LIMS1: variants seen among roughly 807,000 people sequenced by gnomAD.
LIMS1 encodes LIM and senescent cell antigen-like-containing domain protein 1.
Under a neutral mutation model 44.1 loss-of-function variants are expected in LIMS1, and 18 were observed. That is an observed-to-expected ratio of 0.41 (90% confidence interval 0.28 to 0.61). The LOEUF (loss-of-function observed/expected upper bound fraction) is 0.61, where lower values mean the gene tolerates loss of function less well. LIMS1 is among the 20% of genes least tolerant of loss of function. The pLI is 0.32. For missense variants in LIMS1, 201 were observed against 422.0 expected, an observed-to-expected ratio of 0.48 and a Z score of 4.59; for synonymous variants, 93 against 149.1, an observed-to-expected ratio of 0.62 and a Z score of 2.74.
chr2:108,579,839 A>T (rs1436521338), intron 1 of LIMS1, among the ~76,000 whole-genome samples: 1 of 152,210 alleles, frequency 6.6e-6, no homozygotes, highest in African/African-American at 2.4e-5. Flanking sequence ...TCCCAGAGGA[A>T]GCGACCTCTT....
chr2:108,555,993 T>A (rs1684914024), intron 1 of LIMS1, among the ~76,000 whole-genome samples: 1 of 152,230 alleles, frequency 6.6e-6, no homozygotes. Context: ...CCTTTTTTGC[T>A]ATAGCAAAAT....
At chr2:108,538,282 C>T (rs1394763452) in intron 1 of LIMS1, among the ~76,000 whole-genome samples, 3 of 152,204 alleles carry the variant, frequency 2.0e-5, no homozygotes, top group African/African-American at 7.2e-5. Context: ...TTTATTTGAT[C>T]ATATCACACA....
At chr2:108,576,285 G>A (rs1295028873) in intron 1 of LIMS1, among the ~76,000 whole-genome samples, 1 of 152,138 alleles carries the variant, frequency 6.6e-6, no homozygotes, top group African/African-American at 2.4e-5. Flanking sequence ...GTTTTGTTTT[G>A]TTTTGTTGAG....
At chr2:108,553,633 CTCT>C (rs1356344728) in intron 1 of LIMS1, among the ~76,000 whole-genome samples, 1 of 152,192 alleles carries the variant, frequency 6.6e-6, no homozygotes, top group East Asian at 1.9e-4. Flanking sequence ...TTGCAAAACA[CTCT>C]TATTAGTGCC....
intron 1 of LIMS1, among the ~76,000 whole-genome samples, chr2:108,576,971 C>G (rs1219501952): frequency 1.3e-5 from 2 of 152,156 alleles, no homozygotes; most frequent in Non-Finnish European, 2.9e-5. Flanking sequence ...TCATGGCTGC[C>G]ACAGCTTCAC....
At chr2:108,670,992 G>C in intron 3 of LIMS1, 145 bp downstream of exon 3, 1 of 1,109,512 alleles carries the variant, frequency 9.0e-7, no homozygotes. Context: ...CCAACGTAGG[G>C]AAACCCCGTC....
chr2:108,635,601 TGAGGC>T (rs1689193863), intron 1 of LIMS1, among the ~76,000 whole-genome samples: 1 of 150,180 alleles, frequency 6.7e-6, no homozygotes, highest in African/African-American at 2.5e-5. Context: ...CTTGGGAGGC[TGAGGC>T]AGAGAATTGC....
chr2:108,564,693 C>T (rs545775350), intron 1 of LIMS1, among the ~76,000 whole-genome samples: 3 of 152,100 alleles, frequency 2.0e-5, no homozygotes, highest in Non-Finnish European at 4.4e-5. Context: ...CTTGGCACGT[C>T]ATACGATTTA....
intron 1 of LIMS1, among the ~76,000 whole-genome samples, chr2:108,552,585 G>GGTGTGTGTGT (rs151262934): frequency 0.039 from 3,944 of 101,868 alleles, 102 homozygotes; most frequent in East Asian, 0.24. Context: ...ATATATTTTG[G>GGTGTGTGTGT]GTGTGTGTGT....
intron 1 of LIMS1, among the ~76,000 whole-genome samples, chr2:108,560,206 C>G (rs981587459): frequency 4.6e-5 from 7 of 152,130 alleles, no homozygotes; most frequent in African/African-American, 1.7e-4. Flanking sequence ...GAGTTTCCCT[C>G]ACTGCCCCTC....
intron 1 of LIMS1, among the ~76,000 whole-genome samples, chr2:108,638,432 G>A (rs1409314031): frequency 1.3e-5 from 2 of 152,160 alleles, no homozygotes; most frequent in Non-Finnish European, 2.9e-5. Context: ...AGTGTGCTTG[G>A]TGCCATGAGG....
chr2:108,535,263 G>C (rs1573280768), intron 1 of LIMS1, among the ~76,000 whole-genome samples: 1 of 152,360 alleles, frequency 6.6e-6, no homozygotes, highest in East Asian at 1.9e-4. Flanking sequence ...AGTTGGAAAA[G>C]TGAGTACTGT....
chr2:108,632,808 A>G (rs761714631), intron 1 of LIMS1, among the ~76,000 whole-genome samples: 9 of 152,242 alleles, frequency 5.9e-5, no homozygotes, highest in Non-Finnish European at 1.0e-4. Flanking sequence ...AGATGAAAAT[A>G]TTAAACCAAA....
chr2:108,639,370 T>C (rs1384075191), intron 1 of LIMS1, among the ~76,000 whole-genome samples: 2 of 152,244 alleles, frequency 1.3e-5, no homozygotes, highest in Non-Finnish European at 2.9e-5. Flanking sequence ...GAAATGTTGA[T>C]CATCACTTTT....
At chr2:108,569,708 A>C (rs930475671) in intron 1 of LIMS1, among the ~76,000 whole-genome samples, 2 of 147,852 alleles carry the variant, frequency 1.4e-5, no homozygotes, top group Admixed American at 1.4e-4. Flanking sequence ...GAATCCTCCT[A>C]CCTTAGCCTG....
chr2:108,574,777 C>T (rs556865629), intron 1 of LIMS1, among the ~76,000 whole-genome samples: 52 of 152,150 alleles, frequency 3.4e-4, no homozygotes, highest in Non-Finnish European at 5.9e-4. Context: ...CTTTGGTTTT[C>T]CTGTCCCTGA....
intron 1 of LIMS1, among the ~76,000 whole-genome samples, chr2:108,636,928 A>G (rs560858646): frequency 1.3e-5 from 2 of 152,312 alleles, no homozygotes; most frequent in East Asian, 3.9e-4. Context: ...ACCAGCTTAC[A>G]GTGGTTGACC....
At chr2:108,652,528 G>A (rs1361117823) in intron 1 of LIMS1, among the ~76,000 whole-genome samples, 1 of 152,270 alleles carries the variant, frequency 6.6e-6, no homozygotes, top group Non-Finnish European at 1.5e-5. Flanking sequence ...GGTTAGGAGT[G>A]TTGGAGTGTG....
chr2:108,664,807 C>G (rs1057000832), intron 2 of LIMS1, among the ~76,000 whole-genome samples: 84 of 151,974 alleles, frequency 5.5e-4, no homozygotes, highest in African/African-American at 2.0e-3. Flanking sequence ...GAAGCATAGC[C>G]CAGAGTGCAA....
Sources: allele counts gnomAD v4.1 joint callset (sites outside exome capture counted in the v4.1 genomes callset), GRCh38; gene constraint gnomAD v4.1.1; transcripts MANE v1.5; gene names NCBI Gene and HGNC (gene_info 2026-07-23, HGNC 2026-07-21).